Variants in SLC30A8 observed in about 807,000 individuals in gnomAD.
The protein encoded by SLC30A8 is solute carrier family 30 member 8.
In SLC30A8, 27 loss-of-function variants were observed where a neutral mutation model predicts 36.9. That is an observed-to-expected ratio of 0.73 (90% CI 0.54 to 1.01). SLC30A8 has a LOEUF of 1.01. Among genes scored for constraint, SLC30A8 ranks in the 50% least tolerant of loss-of-function variants. The probability of loss-of-function intolerance (pLI) is 0.00; values close to 1 mark genes in which losing one functional copy is unlikely to be tolerated. For missense variants in SLC30A8, 439 were observed against 452.0 expected, an observed-to-expected ratio of 0.97 and a Z score of 0.26; for synonymous variants, 164 against 172.4, an observed-to-expected ratio of 0.95 and a Z score of 0.38.
chr8:117,110,223 ACTC>A, intron 2 of SLC30A8, among the ~76,000 whole-genome samples: 1 of 151,386 alleles, frequency 6.6e-6, no homozygotes, highest in Non-Finnish European at 1.5e-5. Flanking sequence ...AATTCTTTCC[ACTC>A]CTCTGAATTT....
intron 3 of SLC30A8, among the ~76,000 whole-genome samples, chr8:117,153,603 A>AAAGGAGGAGGAG (rs1440917693): frequency 1.3e-5 from 2 of 152,092 alleles, no homozygotes; most frequent in Non-Finnish European, 2.9e-5. Context: ...ATAATGCAAA[A>AAAGGAGGAGGAG]AAGGAGGAGG....
rs531017864 is a variant in SLC30A8, at chr8:117,058,670, G to A, written c.-226+19412G>A. On this transcript the variant is annotated intron_variant, in intron 2 of 10. Coordinates refer to the SLC30A8 transcript ENST00000427715. ...TGAGCCAAATCCAGACTGCCACCCG[G>A]TTTTGCATGGCCTATGAACTAAGAA... is the stretch of plus-strand genomic sequence containing the variant. Among the ~76,000 whole-genome samples the A allele has an allele frequency of 6.6e-5, 10 of 152,280 alleles. No homozygotes were observed. In the South Asian group the frequency reaches 2.1e-3, roughly 32 times the overall value.
At chr8:117,019,635 G>T (rs1397246669) in intron 1 of SLC30A8, among the ~76,000 whole-genome samples, 1 of 152,108 alleles carries the variant, frequency 6.6e-6, no homozygotes, top group Non-Finnish European at 1.5e-5. Context: ...TATTTTGGTC[G>T]CAGTAGTAAT....
intron 1 of SLC30A8, among the ~76,000 whole-genome samples, chr8:117,028,742 G>A (rs111265046): frequency 1.3e-5 from 2 of 151,934 alleles, no homozygotes; most frequent in African/African-American, 2.4e-5. Flanking sequence ...ATATATATAT[G>A]TAGTCATATA....
chr8:117,147,267 G>A, intron 2 of SLC30A8, 114 bp downstream of exon 2: 2 of 859,326 alleles, frequency 2.3e-6, no homozygotes, highest in Non-Finnish European at 3.6e-6. Flanking sequence ...GTAAGTATAA[G>A]GTAACAATAT....
At chr8:117,133,700 G>C (rs756652541), upstream of SLC30A8, among the ~76,000 whole-genome samples, 1 of 152,020 alleles carries the variant, frequency 6.6e-6, no homozygotes, top group Non-Finnish European at 1.5e-5. Context: ...ATATGGCAGT[G>C]TGTCACACAG....
At chr8:117,103,975 T>G (rs2130863687) in intron 2 of SLC30A8, among the ~76,000 whole-genome samples, 1 of 152,260 alleles carries the variant, frequency 6.6e-6, no homozygotes, top group South Asian at 2.1e-4. Context: ...TTAATAGTCT[T>G]CTGTGGACAT....
At chr8:117,003,760 A>G (rs1348909829) in intron 1 of SLC30A8, among the ~76,000 whole-genome samples, 1 of 152,220 alleles carries the variant, frequency 6.6e-6, no homozygotes, top group Admixed American at 6.5e-5. Flanking sequence ...CAGTGAAAGC[A>G]AATAGGTTTC....
At chr8:117,005,733 T>G (rs1457503811) in intron 1 of SLC30A8, among the ~76,000 whole-genome samples, 3 of 152,234 alleles carry the variant, frequency 2.0e-5, no homozygotes, top group African/African-American at 7.2e-5. Context: ...TGTTTTTACT[T>G]CTTCAACTGC....
At chr8:117,019,268 T>C (rs1399097778) in intron 1 of SLC30A8, among the ~76,000 whole-genome samples, 1 of 152,208 alleles carries the variant, frequency 6.6e-6, no homozygotes, top group Non-Finnish European at 1.5e-5. Context: ...TGAATCAATG[T>C]ATATAACAAT....
chr8:117,032,722 T>A (rs754434658), intron 1 of SLC30A8, among the ~76,000 whole-genome samples: 2 of 152,018 alleles, frequency 1.3e-5, no homozygotes, highest in African/African-American at 2.4e-5. Context: ...AAACCCCGTC[T>A]CTAGTAAAAG....
intron 2 of SLC30A8, among the ~76,000 whole-genome samples, chr8:117,045,756 A>G (rs892853545): frequency 6.6e-6 from 1 of 152,180 alleles, no homozygotes; most frequent in African/African-American, 2.4e-5. Context: ...GAGGCTAGTA[A>G]ACATCCATGT....
intron 1 of SLC30A8, chr8:116,951,232 C>G (rs1252527327): frequency 6.6e-6 from 1 of 152,142 alleles, no homozygotes; most frequent in African/African-American, 2.4e-5. Flanking sequence ...TGGGCATCTC[C>G]TGCTAATGGT....
At chr8:117,121,303 T>C (rs1490726684) in intron 2 of SLC30A8, among the ~76,000 whole-genome samples, 25 of 151,950 alleles carry the variant, frequency 1.6e-4, no homozygotes, top group Non-Finnish European at 2.9e-5. Flanking sequence ...TGGAATATTA[T>C]TCAATCTTAA....
chr8:116,950,567 T>C (rs1813961333), upstream of SLC30A8: 1 of 152,162 alleles, frequency 6.6e-6, no homozygotes, highest in Admixed American at 6.5e-5. Flanking sequence ...GGCAGCAAAA[T>C]AGTAAACTGT....
At chr8:117,171,974 A>G (rs1212853954) in intron 7 of SLC30A8, among the ~76,000 whole-genome samples, 1 of 152,086 alleles carries the variant, frequency 6.6e-6, no homozygotes, top group African/African-American at 2.4e-5. Flanking sequence ...AGCATTCACT[A>G]TGCCAATATT....
intron 1 of SLC30A8, among the ~76,000 whole-genome samples, chr8:117,025,540 G>A (rs543052274): frequency 7.5e-4 from 114 of 152,260 alleles, no homozygotes; most frequent in African/African-American, 2.6e-3. Context: ...GTGAGTTAGG[G>A]ACAATGACAG....
At chr8:117,005,781 A>G (rs574908199) in intron 1 of SLC30A8, among the ~76,000 whole-genome samples, 1 of 152,356 alleles carries the variant, frequency 6.6e-6, no homozygotes, top group East Asian at 1.9e-4. Flanking sequence ...ATTTATGGAT[A>G]GTTTTGGAAA....
At chr8:116,965,706 G>A (rs1336447760) in intron 1 of SLC30A8, among the ~76,000 whole-genome samples, 1 of 152,044 alleles carries the variant, frequency 6.6e-6, no homozygotes, top group Non-Finnish European at 1.5e-5. Flanking sequence ...ACCCCTAGAA[G>A]TGAAATAACA....
Sources: gnomAD v4.1 joint callset for allele counts (sites outside exome capture counted in the v4.1 genomes callset) on GRCh38, gnomAD v4.1.1 for gene constraint, MANE v1.5 for transcripts, NCBI Gene and HGNC (gene_info 2026-07-23, HGNC 2026-07-21) for gene names.